The following TSPEAR variants were observed in gnomAD, a reference collection of about 807,000 sequenced individuals.
TSPEAR encodes the protein thrombospondin-type laminin G domain and EAR repeat-containing protein.
A neutral mutation model predicts 71.6 loss-of-function variants in TSPEAR; 69 were observed. The observed-to-expected ratio is 0.96, with a 90% CI of 0.79 to 1.18. The LOEUF (loss-of-function observed/expected upper bound fraction) is 1.18, where lower values mean the gene tolerates loss of function less well. TSPEAR is among the 50% of genes most tolerant of loss of function. The pLI is 0.00. For missense variants in TSPEAR, 971 were observed against 894.9 expected (o/e 1.09, Z -1.09); for synonymous variants, 402 against 387.2 (o/e 1.04, Z -0.45).
intron 1 of TSPEAR, chr21:44,697,250 C>G (rs782534862): frequency 6.2e-7 from 1 of 1,614,114 alleles, no homozygotes; most frequent in Non-Finnish European, 8.5e-7. Context: ...CGTCTGCCTT[C>G]CTGGTTCCTG....
intron 1 of TSPEAR, among the ~76,000 whole-genome samples, chr21:44,699,830 G>A (rs1361768126): frequency 2.6e-5 from 4 of 152,198 alleles, no homozygotes; most frequent in African/African-American, 9.6e-5. Flanking sequence ...AGCTGCATCT[G>A]GGCACATCTG....
At chr21:44,601,702 G>A (rs782727225) in intron 1 of TSPEAR, 1 of 1,611,932 alleles carries the variant, frequency 6.2e-7, no homozygotes, top group Admixed American at 1.7e-5. Flanking sequence ...GGCCTGCTGT[G>A]GCCCCACCTC....
rs1953325562 is a variant in TSPEAR at position 44,695,237 on chromosome 21, G to A, written c.82+16196C>T. Among the ~76,000 whole-genome samples the A allele has an allele frequency of 6.6e-6, 1 of 152,174 alleles. No individual in the cohort carries two copies. The highest frequency in any genetic ancestry group is 1.5e-5 in the Non-Finnish European group (1 of 68,038). The stretch of plus-strand genomic sequence containing the variant: ...GGGGCATTCACACTCTCCTGGTCCT[G>A]TCCTGGCACCTTTGCTCCCACTGGA... On this transcript the variant is annotated intron_variant, in intron 1 of 11. Coordinates refer to ENST00000323084, the MANE Select transcript of TSPEAR (RefSeq NM_144991.3). This position sits in a 1 kb window ranked among gnomAD's most constrained non-coding sequence, Gnocchi z 4.5.
chr21:44,605,264 T>G (rs1387163472), intron 1 of TSPEAR, among the ~76,000 whole-genome samples: 1 of 152,216 alleles, frequency 6.6e-6, no homozygotes, highest in Non-Finnish European at 1.5e-5. Flanking sequence ...GTGAAAGATC[T>G]GTACACTGAA....
At chr21:44,648,067 G>T (rs1162056857) in intron 1 of TSPEAR, among the ~76,000 whole-genome samples, 1 of 152,364 alleles carries the variant, frequency 6.6e-6, no homozygotes, top group East Asian at 1.9e-4. Context: ...CACACAGAGG[G>T]CTGCCCCGAG....
rs1555933848 is a variant in TSPEAR at position 44,623,419 on chromosome 21, T to C, written c.83-55414A>G. 6.6e-6 allele frequency among the ~76,000 whole-genome samples: 1 copy of C among 152,196 alleles called. No individual in the cohort carries two copies. The highest frequency in any genetic ancestry group is 2.4e-5 in the African/African-American group (1 of 41,470). On this transcript the variant is annotated intron_variant, in intron 1 of 11. Coordinates refer to ENST00000323084, the MANE Select transcript of TSPEAR (RefSeq NM_144991.3). The surrounding 1 kb of genome is among the most constrained non-coding windows in gnomAD (Gnocchi z 4.5). ...TAGCCCCCTCCTGAATTTTGTGATC[T>C]TCTTGCCATGTATTTCATTTCTATA...
At chr21:44,595,155 T>TC (rs1980278656) in intron 1 of TSPEAR, among the ~76,000 whole-genome samples, 1 of 152,094 alleles carries the variant, frequency 6.6e-6, no homozygotes, top group Non-Finnish European at 1.5e-5. Context: ...ACACAAGCAG[T>TC]CACCCAATTC....
chr21:44,511,227 C>G (rs1350744576), intron 9 of TSPEAR, among the ~76,000 whole-genome samples: 2 of 149,162 alleles, frequency 1.3e-5, no homozygotes, highest in African/African-American at 4.9e-5. Context: ...TGCCTGCACA[C>G]ACCTGCACAC....
intron 1 of TSPEAR, among the ~76,000 whole-genome samples, chr21:44,600,107 G>T (rs1190038975): frequency 6.6e-6 from 1 of 152,160 alleles, no homozygotes; most frequent in Non-Finnish European, 1.5e-5. Context: ...ATGCACCAGA[G>T]AGAGTGTGGG....
chr21:44,630,646 AGGAAGTGAAGG>A lies in TSPEAR; in HGVS notation c.83-62652_83-62642del, dbSNP rs587744520. Among the ~76,000 whole-genome samples, 464 of 150,712 alleles carry A rather than the reference AGGAAGTGAAGG, an allele frequency of 3.1e-3. 1 individual carries two copies. The highest frequency in any genetic ancestry group is 0.011 in the African/African-American group (441 of 40,928). ...GAGGGCAGGAAGTGAAGGGGAGGGC[AGGAAGTGAAGG>A]GGAAGTGAAGGGGAAGGCAGGAAGT... On this transcript the variant is annotated intron_variant, in intron 1 of 11. Coordinates refer to ENST00000323084, the MANE Select transcript of TSPEAR (RefSeq NM_144991.3).
chr21:44,678,133 G>A lies in TSPEAR; in HGVS notation c.82+33300C>T, dbSNP rs587752230. 3.1e-4 allele frequency: 182 copies of A among 593,972 alleles called. 2 individuals are homozygous for A. The East Asian group carries it at 3.1e-3, about 10-fold the overall frequency. 36.8% of individuals were successfully genotyped at this position (593,972 alleles called of 1,614,324 possible). ...TGGTGGATGCGGGAGCTGCCATGGCGGCACGAGTAAGTGGAGGCATGTGTA... is the reference window on the plus strand; with the variant it reads ...TGGTGGATGCGGGAGCTGCCATGGCAGCACGAGTAAGTGGAGGCATGTGTA... On this transcript the variant is annotated intron_variant, in intron 1 of 11. Coordinates refer to ENST00000323084, the MANE Select transcript of TSPEAR (RefSeq NM_144991.3).
At chr21:44,511,480 A>G (rs1027271017) in intron 9 of TSPEAR, among the ~76,000 whole-genome samples, 4 of 152,156 alleles carry the variant, frequency 2.6e-5, no homozygotes, top group African/African-American at 7.2e-5. Context: ...ATGTATACCT[A>G]CACACACGTA....
rs1008927364 is a variant in TSPEAR at position 44,711,453 on chromosome 21, T to C, written c.62A>G (p.Gln21Arg). Reference sequence around the variant, plus strand: ...CTTACCTGTGCAGGGCTCCCAACCCTGCGTGCCGTGGCCGGGGGCCGCCAG... The same window carrying C: ...CTTACCTGTGCAGGGCTCCCAACCCCGCGTGCCGTGGCCGGGGGCCGCCAG... ...LPLAAPGHGTQGWEPCTDLRP... is the reference protein window; with the variant it reads ...LPLAAPGHGTRGWEPCTDLRP... The change falls in exon 1 of 12, where the codon CAG becomes CGG. Residue 21 changes from glutamine to arginine, a missense_variant. Coordinates refer to ENST00000323084, the MANE Select transcript of TSPEAR (RefSeq NM_144991.3). This position sits in a 1 kb window ranked among gnomAD's most constrained non-coding sequence, Gnocchi z 4.5. 2 of 1,609,626 alleles carry C rather than the reference T, an allele frequency of 1.2e-6. No homozygotes were observed. The highest frequency in any genetic ancestry group is 1.7e-6 in the Non-Finnish European group (2 of 1,178,446).
At chr21:44,616,110 C>T (rs1982076816) in intron 1 of TSPEAR, among the ~76,000 whole-genome samples, 1 of 152,186 alleles carries the variant, frequency 6.6e-6, no homozygotes, top group South Asian at 2.1e-4. Context: ...CGGCGGGCAC[C>T]TCCCAGCGGG....
chr21:44,647,736 AG>A (rs1984527863), intron 1 of TSPEAR: 1 of 294,140 alleles, frequency 3.4e-6, no homozygotes, highest in Non-Finnish European at 6.7e-6. Context: ...GTCTTGTTAA[AG>A]GCAGACAGGA....
chr21:44,648,473 C>A (rs1984571632), intron 1 of TSPEAR, among the ~76,000 whole-genome samples: 1 of 152,170 alleles, frequency 6.6e-6, no homozygotes, highest in Non-Finnish European at 1.5e-5. Flanking sequence ...CCGTTACTTG[C>A]TTATTCAAAT....
chr21:44,515,553 CTTGGTTCCG>C (rs753096588), intron 9 of TSPEAR: 1 of 152,446 alleles, frequency 6.6e-6, no homozygotes, highest in Non-Finnish European at 1.5e-5. Context: ...AGACCCTCCC[CTTGGTTCCG>C]GTGGTTCCAT....
At chr21:44,581,705 T>G (rs901535536) in intron 1 of TSPEAR, among the ~76,000 whole-genome samples, 9 of 152,190 alleles carry the variant, frequency 5.9e-5, no homozygotes, top group Non-Finnish European at 1.2e-4. Flanking sequence ...CTCAAGGTCT[T>G]TCCTTTTGTG....
chr21:44,647,943 T>C (rs1984538197), intron 1 of TSPEAR, among the ~76,000 whole-genome samples: 1 of 152,218 alleles, frequency 6.6e-6, no homozygotes, highest in African/African-American at 2.4e-5. Flanking sequence ...GCCTGTCCCC[T>C]GCCAGTCCAA....
Sources: gnomAD v4.1 joint callset for allele counts (sites outside exome capture counted in the v4.1 genomes callset) on GRCh38, gnomAD v4.1.1 for gene constraint, Gnocchi (gnomAD v3.1) non-coding constraint, MANE v1.5 for transcripts, NCBI Gene and HGNC (gene_info 2026-07-23, HGNC 2026-07-21) for gene names.